Variants in PTPN13 observed in about 807,000 individuals in gnomAD.
PTPN13 encodes the protein tyrosine-protein phosphatase non-receptor type 13.
In PTPN13, 191 loss-of-function variants were observed where a neutral mutation model predicts 284.0. The observed-to-expected ratio is 0.67, with a 90% CI of 0.60 to 0.76. PTPN13 has a LOEUF of 0.76. PTPN13 is among the 30% of genes least tolerant of loss of function. The probability of loss-of-function intolerance (pLI) is 0.00; values close to 1 mark genes in which losing one functional copy is unlikely to be tolerated. For missense variants in PTPN13, 2,797 were observed against 2,939.9 expected (o/e 0.95, Z 1.12); for synonymous variants, 986 against 1,022.3 (o/e 0.96, Z 0.68).
At chr4:86,672,732 A>G (rs930639539) in intron 3 of PTPN13, among the ~76,000 whole-genome samples, 189 bp downstream of exon 3, 4 of 152,258 alleles carry the variant, frequency 2.6e-5, no homozygotes, top group Admixed American at 2.6e-4. Flanking sequence ...TCTGAGAAAT[A>G]TATGAAAAAA....
chr4:86,805,347 CAG>C lies in PTPN13; in HGVS notation c.6725_6726del (p.Arg2242IlefsTer2). 1 of 1,594,394 alleles carries C rather than the reference CAG, an allele frequency of 6.3e-7. No individual in the cohort carries two copies. The highest frequency in any genetic ancestry group is 8.6e-7 in the Non-Finnish European group (1 of 1,164,410). On this transcript the variant is annotated frameshift_variant, in exon 44 of 48. Transcript: ENST00000411767. LOFTEE classifies it high-confidence loss of function. The stretch of plus-strand genomic sequence containing the variant: ...AAACTAAGGAAAACAGAAGGAAGAA[CAG>C]ATATAAAAATATACTTCCCTGTAAG... ...GQTKENRRKN[R>X]YKNILPYDAT...
intron 2 of PTPN13, among the ~76,000 whole-genome samples, chr4:86,656,404 G>T (rs147015328): frequency 2.6e-5 from 4 of 152,234 alleles, no homozygotes; most frequent in Non-Finnish European, 5.9e-5. Context: ...TGATGGTGAC[G>T]TACAGATGGG....
chr4:86,680,463 T>C (rs1728784311), intron 3 of PTPN13, among the ~76,000 whole-genome samples: 1 of 152,092 alleles, frequency 6.6e-6, no homozygotes, highest in Non-Finnish European at 1.5e-5. Context: ...CTTAATTGCC[T>C]GAATTTCTCA....
chr4:86,707,628 A>G (rs1345268462), intron 7 of PTPN13, among the ~76,000 whole-genome samples: 2 of 151,972 alleles, frequency 1.3e-5, no homozygotes, highest in African/African-American at 4.8e-5. Flanking sequence ...TAATAATTTT[A>G]TGGAGATATA....
intron 4 of PTPN13, 95 bp downstream of exon 4, chr4:86,686,870 G>A (rs1385078307): frequency 5.9e-6 from 5 of 851,626 alleles, no homozygotes; most frequent in Admixed American, 2.9e-5. Context: ...GTGTTCTACA[G>A]CATGCTGTCA....
chr4:86,746,716 T>C (rs1736804340), intron 17 of PTPN13, among the ~76,000 whole-genome samples: 1 of 152,156 alleles, frequency 6.6e-6, no homozygotes, highest in Non-Finnish European at 1.5e-5. Context: ...CACTGCAACA[T>C]TCGCCTTCTG....
At position 86,635,496 on chromosome 4, in the gene PTPN13, G is replaced by A. The variant is rs995624384; in HGVS notation, c.115+125G>A. 9.4e-6 allele frequency: 13 copies of A among 1,380,224 alleles called. No individual in the cohort carries two copies. The African/African-American group carries it at 1.8e-4, about 19-fold the overall frequency. The allele number at this position is 1,380,224 out of a possible 1,614,324, so 85.5% of individuals were successfully genotyped here. A position where few individuals can be genotyped will look rare whatever the true frequency, so the allele number is the denominator to read the frequency against. ...CTGTGCCTTTGGCAGAGTATGAAAG[G>A]AATACTTTCCTTATCTCTTTTAGGG... On this transcript the variant is annotated intron_variant, in intron 2 of 47. Coordinates refer to ENST00000411767, the MANE Select transcript of PTPN13 (RefSeq NM_080683.3).
At chr4:86,753,651 G>T (rs1015655988) in intron 20 of PTPN13, among the ~76,000 whole-genome samples, 14 of 152,008 alleles carry the variant, frequency 9.2e-5, no homozygotes, top group African/African-American at 3.4e-4. Context: ...AAAATCGTAG[G>T]CAGAAGACCA....
chr4:86,806,577 C>T (rs570211533), intron 44 of PTPN13, among the ~76,000 whole-genome samples: 6 of 152,144 alleles, frequency 3.9e-5, no homozygotes, highest in African/African-American at 1.4e-4. Flanking sequence ...TTTTAGACAG[C>T]AAAATGGCCA....
chr4:86,733,837 T>C (rs145719412), intron 12 of PTPN13, among the ~76,000 whole-genome samples: 1 of 152,084 alleles, frequency 6.6e-6, no homozygotes, highest in East Asian at 1.9e-4. Context: ...TCATTCCTTC[T>C]AGGTTTCAGC....
At chr4:86,767,305 G>A (rs1739443163) in intron 27 of PTPN13, among the ~76,000 whole-genome samples, 1 of 151,062 alleles carries the variant, frequency 6.6e-6, no homozygotes, top group African/African-American at 2.4e-5. Context: ...GAGTGCAATG[G>A]CATGACCTCG....
At chr4:86,685,491 C>T (rs1434713790) in intron 3 of PTPN13, among the ~76,000 whole-genome samples, 1 of 152,110 alleles carries the variant, frequency 6.6e-6, no homozygotes, top group Non-Finnish European at 1.5e-5. Flanking sequence ...TGCCTTTAGT[C>T]CCAGCTATTT....
At chr4:86,779,341 C>T (rs909527244) in intron 35 of PTPN13, among the ~76,000 whole-genome samples, 4 of 150,696 alleles carry the variant, frequency 2.7e-5, no homozygotes, top group Non-Finnish European at 5.9e-5. Context: ...GGCGTGAACC[C>T]GGGAGGTGGA....
chr4:86,635,927 C>T (rs921241124), intron 2 of PTPN13, among the ~76,000 whole-genome samples: 10 of 152,168 alleles, frequency 6.6e-5, no homozygotes, highest in Non-Finnish European at 1.0e-4. Context: ...TATGCCACTG[C>T]ACTCCAGCCT....
chr4:86,774,328 G>T lies in PTPN13; in HGVS notation c.5350-45G>T, dbSNP rs17012069. 5.1e-3 allele frequency: 7,716 copies of T among 1,518,096 alleles called. 332 individuals carry two copies. In the African/African-American group the frequency reaches 0.095, roughly 19 times the overall value. 94.0% of individuals were successfully genotyped at this position (1,518,096 alleles called of 1,614,324 possible). ...ATAGTCATCTTTCTGTTTGTCTATA[G>T]TGCAGAATAGACAACCTAAAAGTAT... On this transcript the variant is annotated intron_variant, in intron 32 of 47. Transcript: ENST00000411767.
intron 3 of PTPN13, among the ~76,000 whole-genome samples, chr4:86,680,430 G>C (rs962589442): frequency 6.8e-6 from 1 of 147,846 alleles, no homozygotes; most frequent in Non-Finnish European, 1.5e-5. Context: ...TCCATCTCTG[G>C]TTCCTCCCTT....
intron 7 of PTPN13, among the ~76,000 whole-genome samples, chr4:86,708,718 TC>T (rs1216441596): frequency 6.6e-6 from 1 of 152,076 alleles, no homozygotes; most frequent in East Asian, 1.9e-4. Flanking sequence ...TTCATCCCAG[TC>T]CCCTTGTCTC....
chr4:86,632,785 T>C (rs1722603410), intron 1 of PTPN13, among the ~76,000 whole-genome samples: 1 of 151,936 alleles, frequency 6.6e-6, no homozygotes, highest in African/African-American at 2.4e-5. Context: ...ATACTTCACA[T>C]ACAATAAAAC....
At chr4:86,720,346 A>G (rs1050206409) in intron 9 of PTPN13, among the ~76,000 whole-genome samples, 1 of 152,194 alleles carries the variant, frequency 6.6e-6, no homozygotes, top group Admixed American at 6.5e-5. Context: ...TCAAGGAAAC[A>G]TTAAGGCCGC....
Sources: allele counts gnomAD v4.1 joint callset (sites outside exome capture counted in the v4.1 genomes callset), GRCh38; gene constraint gnomAD v4.1.1; transcripts MANE v1.5; gene names NCBI Gene and HGNC (gene_info 2026-07-23, HGNC 2026-07-21).